Variants in CSRP1 observed in about 807,000 individuals in gnomAD.
CSRP1 encodes the protein cysteine and glycine rich protein 1.
CSRP1 carries 16 observed loss-of-function variants against 25.4 expected under a neutral mutation model. The observed-to-expected ratio is 0.63, with a 90% confidence interval of 0.43 to 0.96. CSRP1 has a LOEUF of 0.96. CSRP1 is among the 40% of genes least tolerant of loss of function. The pLI is 0.00. For missense variants in CSRP1, 212 were observed against 243.6 expected (o/e 0.87, Z 0.86); for synonymous variants, 97 against 95.3 (o/e 1.02, Z -0.10).
intron 2 of CSRP1, among the ~76,000 whole-genome samples, chr1:201,493,344 T>A (rs2102408535): frequency 6.6e-6 from 1 of 152,282 alleles, no homozygotes; most frequent in South Asian, 2.1e-4. Flanking sequence ...CACCCAAATC[T>A]CTCCTTGGGC....
In CSRP1 at chr1:201,484,143, C is replaced by G; in HGVS notation, c.*570G>C. The stretch of plus-strand genomic sequence containing the variant: ...CTCAAAGGCAAGAGGCCTGGAGAAG[C>G]AGGGGCTCCTAGGACCCTGCCTGCA... On this transcript the variant is annotated 3_prime_UTR_variant, in exon 6 of 6. Transcript: ENST00000340006. The G allele has an allele frequency of 3.1e-6, 2 of 648,984 alleles. No homozygotes were observed. Among genetic ancestry groups the G allele is most frequent in the South Asian group, 3.2e-5 (2 of 62,050 alleles). The allele number at this position is 648,984 out of a possible 1,614,324, so 40.2% of individuals were successfully genotyped here. A position where few individuals can be genotyped will look rare whatever the true frequency, so the allele number is the denominator to read the frequency against.
At chr1:201,504,811 AC>A (rs1456257273) in intron 1 of CSRP1, among the ~76,000 whole-genome samples, 5 of 147,062 alleles carry the variant, frequency 3.4e-5, no homozygotes, top group African/African-American at 7.7e-5. Flanking sequence ...AAAAAAAAAA[AC>A]ACCAGGCCGG....
At chr1:201,490,082 G>A in intron 3 of CSRP1, 94 bp downstream of exon 3, 1 of 1,334,214 alleles carries the variant, frequency 7.5e-7, no homozygotes. Context: ...GCCTTCCATT[G>A]CTTACCCAAA....
At chr1:201,496,609 G>A (rs55728724) in intron 1 of CSRP1, 4,930 of 400,840 alleles carry the variant, frequency 0.012, 218 homozygotes, top group African/African-American at 0.091. Flanking sequence ...TATAAAGAAG[G>A]CTCCAGCTGC....
intron 4 of CSRP1, chr1:201,485,649 G>T (rs1459356751): frequency 4.3e-6 from 2 of 461,524 alleles, no homozygotes; most frequent in Non-Finnish European, 7.9e-6. Flanking sequence ...AGGTGAGGGG[G>T]TGGGTTTAAC....
chr1:201,489,099 C>A, intron 3 of CSRP1, 115 bp from the exon 4 acceptor site: 1 of 1,390,356 alleles, frequency 7.2e-7, no homozygotes, highest in Non-Finnish European at 9.8e-7. Flanking sequence ...GCAATTCTCT[C>A]TGCCAAAGTC....
Position 201,496,474 on chromosome 1 carries a change from C to T in CSRP1, c.-1-170G>A, listed in dbSNP as rs1006948788. On this transcript the variant is annotated intron_variant, in intron 1 of 5. Coordinates refer to ENST00000340006, the MANE Select transcript of CSRP1 (RefSeq NM_004078.3). ...ACTTTCTGCTAGCTCTCGACAGCAG[C>T]CTCGCACGTTCTCGGGGATTTCCTC... 13 of 626,494 alleles carry T rather than the reference C, an allele frequency of 2.1e-5. No individual in the cohort carries two copies. In the African/African-American group the frequency reaches 2.4e-4, roughly 11 times the overall value. 38.8% of individuals were successfully genotyped at this position (626,494 alleles called of 1,614,324 possible). A position where few individuals can be genotyped will look rare whatever the true frequency, so the allele number is the denominator to read the frequency against.
At position 201,496,294 on chromosome 1, in the gene CSRP1, A is replaced by G; in HGVS notation, c.10T>C (p.Trp4Arg). Residue 4 changes from tryptophan to arginine, a missense_variant, in exon 2 of 6, where the codon TGG (tryptophan) becomes CGG (arginine). Transcript: ENST00000340006. MPN[W>R]GGGKKCGVCQ... Reference sequence around the variant, plus strand: ...ACCCCACATTTCTTGCCTCCTCCCCAGTTCGGCATTCTGAAAAGGGACACA... The same window carrying G: ...ACCCCACATTTCTTGCCTCCTCCCCGGTTCGGCATTCTGAAAAGGGACACA... The G allele has an allele frequency of 6.2e-7, 1 of 1,613,800 alleles. No individual in the cohort carries two copies. The highest frequency in any genetic ancestry group is 8.5e-7 in the Non-Finnish European group (1 of 1,179,766).
At chr1:201,499,638 TG>T (rs2102414145) in intron 1 of CSRP1, among the ~76,000 whole-genome samples, 1 of 152,250 alleles carries the variant, frequency 6.6e-6, no homozygotes, top group African/African-American at 2.4e-5. Context: ...TTTTTCAAGA[TG>T]GAGTCTCACT....
intron 5 of CSRP1, 24 bp from the exon 6 acceptor site, chr1:201,484,813 G>C (rs927181319): frequency 6.2e-7 from 1 of 1,600,864 alleles, no homozygotes; most frequent in Non-Finnish European, 8.5e-7. Context: ...AGAGAGATAA[G>C]GGCATGTTCT....
intron 1 of CSRP1, among the ~76,000 whole-genome samples, chr1:201,506,053 TTAAA>T (rs770290946): frequency 6.6e-6 from 1 of 152,140 alleles, no homozygotes; most frequent in Non-Finnish European, 1.5e-5. Context: ...CATTGAGAAG[TTAAA>T]TAGTTTGTCC....
rs1455239009 is a variant in CSRP1, at chr1:201,483,772, AG to A, written c.*940del. 1 of 470,798 alleles carries A rather than the reference AG, an allele frequency of 2.1e-6. No individual in the cohort carries two copies. The highest frequency in any genetic ancestry group is 1.9e-5 in the African/African-American group (1 of 52,404). The allele number at this position is 470,798 out of a possible 1,614,324, so 29.2% of individuals were successfully genotyped here. A position where few individuals can be genotyped will look rare whatever the true frequency, so the allele number is the denominator to read the frequency against. On this transcript the variant is annotated 3_prime_UTR_variant, in exon 6 of 6. Transcript: ENST00000340006. The stretch of plus-strand genomic sequence containing the variant: ...TGGAAGAGGCAGGGTCTTGGGTTAA[AG>A]GGAAGATTCTGAGGTCTCAGGGCAA...
chr1:201,489,878 A>AG (rs1239267847), intron 3 of CSRP1: 1 of 270,654 alleles, frequency 3.7e-6, no homozygotes, highest in East Asian at 7.0e-5. Context: ...TCAAAAAAAA[A>AG]CAAAAAAAGA....
intron 1 of CSRP1, among the ~76,000 whole-genome samples, chr1:201,503,041 G>A (rs1294354897): frequency 6.6e-6 from 1 of 152,116 alleles, no homozygotes; most frequent in Non-Finnish European, 1.5e-5. Context: ...AGCTACTTGG[G>A]AGGCTGAGGC....
chr1:201,488,948 T>C lies in CSRP1; in HGVS notation c.318A>G (p.Ala106=), dbSNP rs1376584673. The C allele has an allele frequency of 1.2e-6, 2 of 1,613,980 alleles. No individual in the cohort carries two copies. Among genetic ancestry groups the C allele is most frequent in the Admixed American group, 1.7e-5 (1 of 59,994 alleles). Residue 106 remains alanine, a synonymous_variant, in exon 4 of 6, where the codon GCA becomes GCG. Coordinates refer to ENST00000340006, the MANE Select transcript of CSRP1 (RefSeq NM_004078.3). ...PGHRPTTNPN[A]SKFAQKIGGS... ...CACCAATCTTCTGGGCAAATTTGGA[T>C]GCATTGGGGTTGGTGGTGGGCCTGT...
chr1:201,500,611 G>C (rs1253246511), intron 1 of CSRP1, among the ~76,000 whole-genome samples: 3 of 152,252 alleles, frequency 2.0e-5, no homozygotes, highest in Non-Finnish European at 4.4e-5. Flanking sequence ...TCTATCCCTA[G>C]CCAGGAAGGG....
At chr1:201,494,815 C>T (rs1664453402) in intron 2 of CSRP1, among the ~76,000 whole-genome samples, 1 of 139,648 alleles carries the variant, frequency 7.2e-6, no homozygotes, top group African/African-American at 2.7e-5. Flanking sequence ...CTACAGATCC[C>T]TCAGCAGTGT....
At chr1:201,506,398 T>C (rs1664827042) in intron 1 of CSRP1, among the ~76,000 whole-genome samples, 1 of 152,226 alleles carries the variant, frequency 6.6e-6, no homozygotes, top group Admixed American at 6.5e-5. Flanking sequence ...TCTGTACCAG[T>C]AGATACAATA....
chr1:201,506,445 T>C (rs144660179), intron 1 of CSRP1, among the ~76,000 whole-genome samples: 1 of 152,360 alleles, frequency 6.6e-6, no homozygotes, highest in East Asian at 1.9e-4. Context: ...TAACACATTG[T>C]GATTTGCTTT....
Sources: gnomAD v4.1 joint callset for allele counts (sites outside exome capture counted in the v4.1 genomes callset) on GRCh38, gnomAD v4.1.1 for gene constraint, MANE v1.5 for transcripts, NCBI Gene and HGNC (gene_info 2026-07-23, HGNC 2026-07-21) for gene names.